Variants in ESRRG observed in about 807,000 individuals in gnomAD.
ESRRG encodes the protein estrogen related receptor gamma.
In ESRRG, 13 loss-of-function variants were observed where a neutral mutation model predicts 44.0. That is an observed-to-expected ratio of 0.30 (90% CI 0.19 to 0.47). The LOEUF is 0.47. Ranked by LOEUF, ESRRG falls within the 20% of genes least tolerant of loss-of-function variation. The pLI is 1.00. For synonymous variants in ESRRG, 215 were observed against 214.6 expected, an observed-to-expected ratio of 1.00 and a Z score of -0.02; for missense variants, 395 against 580.6, an observed-to-expected ratio of 0.68 and a Z score of 3.29.
intron 2 of ESRRG, among the ~76,000 whole-genome samples, chr1:216,792,892 G>C (rs1254063485): frequency 1.3e-5 from 2 of 152,082 alleles, no homozygotes; most frequent in South Asian, 4.1e-4. Flanking sequence ...TTTTCATAAG[G>C]CACCATGATC....
chr1:216,581,268 C>T (rs1036565262), intron 3 of ESRRG, among the ~76,000 whole-genome samples: 2 of 152,160 alleles, frequency 1.3e-5, no homozygotes, highest in Admixed American at 6.6e-5. Flanking sequence ...TTCATCTCAA[C>T]ATCTACAGTC....
At position 217,029,056 on chromosome 1, in the gene ESRRG, A is replaced by C. The variant is rs990492105; in HGVS notation, c.-106+60451T>G. 7.0e-5 allele frequency among the ~76,000 whole-genome samples: 3 copies of C among 42,934 alleles called. No homozygotes were observed. In the East Asian group the frequency reaches 1.7e-3, roughly 24 times the overall value. The allele number at this position is 42,934 out of a possible 152,430, so 28.2% of individuals were successfully genotyped here. A position where few individuals can be genotyped will look rare whatever the true frequency, so the allele number is the denominator to read the frequency against. On this transcript the variant is annotated intron_variant, in intron 1 of 7. Coordinates refer to the ESRRG transcript ENST00000359162. ...GAGTTTAAAATGAGCTCTCTGAAAA[A>C]CTTAAAAAAAAAAAAGAAGAAATTA... is the stretch of plus-strand genomic sequence containing the variant.
chr1:216,715,979 A>G (rs181737593), intron 1 of ESRRG, among the ~76,000 whole-genome samples: 1 of 152,040 alleles, frequency 6.6e-6, no homozygotes, highest in African/African-American at 2.4e-5. Flanking sequence ...ATAAGTTCTT[A>G]ATTTATATTT....
At chr1:216,667,468 C>T (rs190770626) in intron 2 of ESRRG, among the ~76,000 whole-genome samples, 7 of 151,990 alleles carry the variant, frequency 4.6e-5, no homozygotes, top group African/African-American at 1.7e-4. Flanking sequence ...GGTGGATCAC[C>T]TGAGGTCAGC....
intron 2 of ESRRG, among the ~76,000 whole-genome samples, chr1:216,766,593 AT>A (rs574643529): frequency 1.7e-4 from 26 of 152,252 alleles, no homozygotes; most frequent in South Asian, 4.1e-4. Flanking sequence ...AAAAAAAAAA[AT>A]ATCTCAACAC....
In ESRRG at chr1:216,836,322, G is replaced by A. The variant is rs572748940; in HGVS notation, c.-14+103260C>T. Among the ~76,000 whole-genome samples, 8 of 152,232 alleles carry A rather than the reference G, an allele frequency of 5.3e-5. No individual in the cohort carries two copies. The East Asian group carries it at 1.5e-3, about 29-fold the overall frequency. The stretch of plus-strand genomic sequence containing the variant: ...TTATACCCACAAGTTTCAAGAATCT[G>A]TCTGTTCATCTCCAAAAAGAAAACT... On this transcript the variant is annotated intron_variant, in intron 2 of 7. Transcript: ENST00000359162.
chr1:216,856,171 C>A (rs1228161886), intron 2 of ESRRG, among the ~76,000 whole-genome samples: 3 of 150,954 alleles, frequency 2.0e-5, no homozygotes, highest in African/African-American at 7.3e-5. Flanking sequence ...AAAAAAAAAA[C>A]TTCCTATGAA....
In ESRRG at chr1:216,659,472, C is replaced by T. The variant is rs76510355; in HGVS notation, c.473-8383G>A. Among the ~76,000 whole-genome samples the T allele has an allele frequency of 2.5e-3, 380 of 152,278 alleles. 3 individuals carry two copies. Among genetic ancestry groups the T allele is most frequent in the African/African-American group, 9.0e-3 (373 of 41,566 alleles). The stretch of plus-strand genomic sequence containing the variant: ...TCTCTACCTTGGAGCACACACAGTG[C>T]CTATCGCTGGGTATGATCTGATTAG... On this transcript the variant is annotated intron_variant, in intron 2 of 6. Transcript: ENST00000408911.
intron 2 of ESRRG, among the ~76,000 whole-genome samples, chr1:216,733,606 AT>A (rs1287778068): frequency 3.3e-5 from 5 of 152,188 alleles, no homozygotes; most frequent in Admixed American, 6.5e-5. Context: ...TAAATAAACC[AT>A]TGCAAAAAAA....
At chr1:216,876,552 T>C (rs1037908945) in intron 2 of ESRRG, among the ~76,000 whole-genome samples, 2 of 146,106 alleles carry the variant, frequency 1.4e-5, no homozygotes, top group Non-Finnish European at 2.9e-5. Flanking sequence ...ACAAAGGAAA[T>C]CTACTTTTTA....
At chr1:216,985,614 T>C (rs1344234490) in intron 1 of ESRRG, 3 of 152,220 alleles carry the variant, frequency 2.0e-5, no homozygotes, top group Non-Finnish European at 4.4e-5. Context: ...CTATATTGTG[T>C]AAGACAATGT....
At chr1:217,095,313 A>G (rs552451156) in intron 1 of ESRRG, among the ~76,000 whole-genome samples, 6 of 152,346 alleles carry the variant, frequency 3.9e-5, no homozygotes, top group Admixed American at 1.3e-4. Context: ...TATTTTACTT[A>G]ACTGACATGG....
chr1:216,553,114 T>A (rs1461529539), intron 5 of ESRRG, among the ~76,000 whole-genome samples: 3 of 151,942 alleles, frequency 2.0e-5, no homozygotes, highest in Non-Finnish European at 4.4e-5. Context: ...ACTTATTTTT[T>A]TTTTTTCCTA....
intron 1 of ESRRG, among the ~76,000 whole-genome samples, chr1:217,125,220 A>C (rs1213761428): frequency 6.6e-6 from 1 of 152,190 alleles, no homozygotes. Flanking sequence ...CCACAAGTGT[A>C]CTGGGCCTTC....
chr1:216,962,949 TG>T (rs2069429832), intron 1 of ESRRG, among the ~76,000 whole-genome samples: 1 of 152,164 alleles, frequency 6.6e-6, no homozygotes, highest in Non-Finnish European at 1.5e-5. Flanking sequence ...ATTGTGAAAA[TG>T]TGGAAATCCA....
intron 2 of ESRRG, among the ~76,000 whole-genome samples, chr1:216,815,607 C>T (rs1332660359): frequency 6.6e-6 from 1 of 152,162 alleles, no homozygotes; most frequent in Non-Finnish European, 1.5e-5. Flanking sequence ...TTGGCTGCAC[C>T]TGGTAGCCCC....
At chr1:216,987,353 C>G (rs993363731) in intron 1 of ESRRG, among the ~76,000 whole-genome samples, 1 of 152,164 alleles carries the variant, frequency 6.6e-6, no homozygotes, top group Non-Finnish European at 1.5e-5. Flanking sequence ...CTAGTGGCAC[C>G]AGGGACTCCA....
intron 2 of ESRRG, among the ~76,000 whole-genome samples, chr1:216,930,492 C>T (rs1014432082): frequency 5.3e-5 from 8 of 152,156 alleles, no homozygotes; most frequent in African/African-American, 1.9e-4. Flanking sequence ...TCTGCCCTTG[C>T]CTCTGCTGCC....
intron 1 of ESRRG, among the ~76,000 whole-genome samples, chr1:216,973,164 A>G (rs2072059804): frequency 6.6e-6 from 1 of 152,124 alleles, no homozygotes; most frequent in Admixed American, 6.5e-5. Flanking sequence ...TCCTTCAAAA[A>G]GGTAAGTAAG....
Sources: allele counts gnomAD v4.1 joint callset (sites outside exome capture counted in the v4.1 genomes callset), GRCh38; gene constraint gnomAD v4.1.1; transcripts MANE v1.5; gene names NCBI Gene and HGNC (gene_info 2026-07-23, HGNC 2026-07-21).